Variants in DPY19L2 observed in about 807,000 individuals in gnomAD.
DPY19L2 encodes probable C-mannosyltransferase DPY19L2.
DPY19L2 carries 34 observed loss-of-function variants against 97.9 expected under a neutral mutation model. That is an observed-to-expected ratio of 0.35 (90% CI 0.26 to 0.46). DPY19L2 has a LOEUF of 0.46. Ranked by LOEUF, DPY19L2 falls within the 20% of genes least tolerant of loss-of-function variation. The probability of loss-of-function intolerance (pLI) is 1.00; values close to 1 mark genes in which losing one functional copy is unlikely to be tolerated. For missense variants in DPY19L2, 623 were observed against 911.4 expected (o/e 0.68, Z 4.07); for synonymous variants, 230 against 307.9 (o/e 0.75, Z 2.65).
intron 21 of DPY19L2, among the ~76,000 whole-genome samples, chr12:63,565,863 CTCTTT>C (rs1877570217): frequency 6.6e-6 from 1 of 152,062 alleles, no homozygotes; most frequent in South Asian, 2.1e-4. Context: ...TTTTGAAATT[CTCTTT>C]TAAGTTCATA....
chr12:63,634,378 G>A (rs1488188383), intron 6 of DPY19L2, among the ~76,000 whole-genome samples: 2 of 152,114 alleles, frequency 1.3e-5, no homozygotes, highest in South Asian at 2.1e-4. Flanking sequence ...CTCCCAGCAC[G>A]AGCGACACAG....
At chr12:63,667,591 A>G (rs1896476926) in intron 1 of DPY19L2, among the ~76,000 whole-genome samples, 2 of 151,970 alleles carry the variant, frequency 1.3e-5, no homozygotes, top group African/African-American at 4.8e-5. Flanking sequence ...AACACTCCCA[A>G]CTTCTTTTAT....
chr12:63,643,063 C>T (rs11175092), intron 6 of DPY19L2, among the ~76,000 whole-genome samples: 42,889 of 151,486 alleles, frequency 0.28, 6,669 homozygotes, highest in African/African-American at 0.43. Flanking sequence ...CTATTTGATG[C>T]TAAAGTATAA....
chr12:63,648,098 G>A (rs972789423), intron 4 of DPY19L2, among the ~76,000 whole-genome samples: 13 of 152,200 alleles, frequency 8.5e-5, no homozygotes, highest in South Asian at 2.1e-4. Context: ...ACTGTCTGCC[G>A]TGTGAGGACA....
chr12:63,580,689 G>A lies in DPY19L2; in HGVS notation c.1873C>T (p.Gln625Ter). 1.2e-6 allele frequency: 2 copies of A among 1,612,992 alleles called. No homozygotes were observed. The highest frequency in any genetic ancestry group is 1.7e-4 in the Middle Eastern group (1 of 6,046). ...FNNLPQEELLQWIKYSTTSDA... is the reference protein window; with the variant it reads ...FNNLPQEELL ...GATGTGGTACTGTATTTGATCCACT[G>A]TAAAAGTTCTTCCTGAGGCAAATTA... Residue 625 changes from glutamine (Q) to a stop codon, truncating the protein, a stop_gained, in exon 19 of 22, where the codon CAG becomes TAG. Transcript: ENST00000324472. LOFTEE classifies it high-confidence loss of function.
Position 63,639,428 on chromosome 12 carries a change from GA to G in DPY19L2, c.803+4974del, listed in dbSNP as rs561020669. 1.6e-3 allele frequency among the ~76,000 whole-genome samples: 247 copies of G among 152,166 alleles called. 1 individual carries two copies. Among genetic ancestry groups the G allele is most frequent in the African/African-American group, 5.8e-3 (241 of 41,520 alleles). On this transcript the variant is annotated intron_variant, in intron 6 of 21. Transcript: ENST00000324472. ...TGAATAGGCAACCTACAGAATGGGA[GA>G]AAATTTTTCCAATCTACCCATCTGA...
chr12:63,619,208 A>G (rs1234943408), intron 9 of DPY19L2, among the ~76,000 whole-genome samples: 4 of 152,176 alleles, frequency 2.6e-5, no homozygotes, highest in Non-Finnish European at 5.9e-5. Context: ...TGGGAGGCCA[A>G]GATAGGAGAA....
intron 12 of DPY19L2, among the ~76,000 whole-genome samples, chr12:63,600,983 C>T (rs1434463190): frequency 6.6e-6 from 1 of 152,038 alleles, no homozygotes; most frequent in Non-Finnish European, 1.5e-5. Flanking sequence ...GACGGGGTTT[C>T]ACCGTGTTAG....
At chr12:63,568,336 G>A (rs1449151169) in intron 21 of DPY19L2, among the ~76,000 whole-genome samples, 1 of 151,850 alleles carries the variant, frequency 6.6e-6, no homozygotes, top group Non-Finnish European at 1.5e-5. Context: ...TTTCCGTGGG[G>A]GCTGGAGTGT....
chr12:63,617,188 G>A (rs1404195188), intron 11 of DPY19L2, 116 bp downstream of exon 11: 2 of 619,734 alleles, frequency 3.2e-6, no homozygotes, highest in Non-Finnish European at 5.7e-6. Flanking sequence ...GAAGAATTTT[G>A]TCATGTTGAG....
chr12:63,650,850 A>G (rs1894106260), intron 4 of DPY19L2, among the ~76,000 whole-genome samples: 1 of 152,188 alleles, frequency 6.6e-6, no homozygotes, highest in African/African-American at 2.4e-5. Context: ...TCTAAAACTT[A>G]TATGGATACT....
intron 1 of DPY19L2, 66 bp from the exon 2 acceptor site, chr12:63,665,925 T>G: frequency 7.6e-7 from 1 of 1,319,742 alleles, no homozygotes; most frequent in Non-Finnish European, 1.1e-6. Flanking sequence ...TTAAAACAAG[T>G]ATTTCAAATG....
chr12:63,642,932 A>G (rs188908346), intron 6 of DPY19L2, among the ~76,000 whole-genome samples: 2 of 152,182 alleles, frequency 1.3e-5, no homozygotes, highest in Non-Finnish European at 2.9e-5. Flanking sequence ...TCCTAGACAT[A>G]TCTCAGGAAT....
intron 6 of DPY19L2, among the ~76,000 whole-genome samples, chr12:63,629,412 G>A (rs1890173764): frequency 6.6e-6 from 1 of 152,144 alleles, no homozygotes; most frequent in South Asian, 2.1e-4. Flanking sequence ...AGAACTACAT[G>A]ACGAATGCAC....
chr12:63,661,591 A>C, intron 3 of DPY19L2, 110 bp from the exon 4 acceptor site: 1 of 825,160 alleles, frequency 1.2e-6, no homozygotes, highest in Non-Finnish European at 1.8e-6. Context: ...GTTAATAATA[A>C]GACTTCCTAA....
intron 21 of DPY19L2, among the ~76,000 whole-genome samples, chr12:63,563,669 T>C (rs1877075283): frequency 6.6e-6 from 1 of 152,170 alleles, no homozygotes; most frequent in Non-Finnish European, 1.5e-5. Flanking sequence ...TTGTTGCAAT[T>C]TTACTTAAAA....
intron 21 of DPY19L2, among the ~76,000 whole-genome samples, chr12:63,563,856 G>T (rs954567334): frequency 2.6e-5 from 4 of 152,218 alleles, no homozygotes; most frequent in African/African-American, 7.2e-5. Context: ...GAAGATATCT[G>T]TCTTGAAGTT....
intron 16 of DPY19L2, among the ~76,000 whole-genome samples, chr12:63,589,349 A>C (rs35510960): frequency 3.0e-4 from 36 of 121,696 alleles, no homozygotes; most frequent in Non-Finnish European, 5.6e-4. Context: ...CTAGATAAAA[A>C]TGTGTTGCAA....
intron 16 of DPY19L2, among the ~76,000 whole-genome samples, chr12:63,586,564 C>T (rs11504143): frequency 0.016 from 2,437 of 152,294 alleles, 73 homozygotes; most frequent in African/African-American, 0.055. Context: ...TCTGCCTCCA[C>T]TACTCACTAG....
Sources: allele counts gnomAD v4.1 joint callset (sites outside exome capture counted in the v4.1 genomes callset), GRCh38; gene constraint gnomAD v4.1.1; transcripts MANE v1.5; gene names NCBI Gene and HGNC (gene_info 2026-07-23, HGNC 2026-07-21).